Variants in MED12L observed in about 807,000 individuals in gnomAD.
The protein encoded by MED12L is mediator of RNA polymerase II transcription subunit 12-like protein.
Under a neutral mutation model 281.3 loss-of-function variants are expected in MED12L, and 60 were observed. The observed-to-expected ratio is 0.21, with a 90% CI of 0.17 to 0.26. The LOEUF (loss-of-function observed/expected upper bound fraction) is 0.26. Among genes scored for constraint, MED12L ranks in the 10% least tolerant of loss-of-function variants. The pLI is 1.00. For missense variants in MED12L, 2,146 were observed against 2,680.9 expected (o/e 0.80, Z 4.41); for synonymous variants, 974 against 987.2 (o/e 0.99, Z 0.25).
chr3:151,192,456 A>T (rs1200520822), intron 14 of MED12L, 94 bp from the exon 15 acceptor site: 1 of 888,228 alleles, frequency 1.1e-6, no homozygotes. Context: ...CAAAAGACAG[A>T]GATGGTTAAA....
chr3:151,152,292 A>T (rs1316476308), intron 5 of MED12L, among the ~76,000 whole-genome samples: 5 of 151,376 alleles, frequency 3.3e-5, no homozygotes, highest in African/African-American at 7.3e-5. Context: ...TGTAACAATG[A>T]TGTCTCACAG....
intron 5 of MED12L, among the ~76,000 whole-genome samples, chr3:151,131,914 GA>G (rs1337031781): frequency 1.3e-5 from 2 of 152,144 alleles, no homozygotes; most frequent in Admixed American, 1.3e-4. Flanking sequence ...ATAATGGATG[GA>G]TTATTAGGTT....
chr3:151,215,118 T>C (rs1291177924), intron 16 of MED12L, among the ~76,000 whole-genome samples: 7 of 152,128 alleles, frequency 4.6e-5, no homozygotes, highest in African/African-American at 1.7e-4. Flanking sequence ...TTGAGCTTTT[T>C]TTTTTTCCCA....
chr3:151,339,966 T>C (rs551001872), intron 16 of MED12L, among the ~76,000 whole-genome samples: 2 of 152,244 alleles, frequency 1.3e-5, no homozygotes, highest in Admixed American at 6.6e-5. Flanking sequence ...AAAATAACTT[T>C]CGTGTAAAAG....
In MED12L at chr3:151,185,391, G is replaced by T. The variant is rs1723137490; in HGVS notation, c.1556G>T (p.Arg519Leu). 1 of 1,613,948 alleles carries T rather than the reference G, an allele frequency of 6.2e-7. No individual in the cohort carries two copies. Among genetic ancestry groups the T allele is most frequent in the Non-Finnish European group, 8.5e-7 (1 of 1,179,986 alleles). ...TGTGAATGGGCCGTGAGCTGCAAACGGTCTGGCAAGCACAGGGCCATGGCT... is the reference window on the plus strand; with the variant it reads ...TGTGAATGGGCCGTGAGCTGCAAACTGTCTGGCAAGCACAGGGCCATGGCT... ...LLCEWAVSCK[R>L]SGKHRAMAVA... is the part of the protein sequence containing the mutation. Residue 519 changes from arginine to leucine, a missense_variant, in exon 12 of 45, where the codon CGG becomes CTG. By Grantham distance (102) the Arg-to-Leu change is moderately radical. Transcript: ENST00000687756.
chr3:151,138,624 G>A (rs1439635678), intron 5 of MED12L, among the ~76,000 whole-genome samples: 1 of 152,140 alleles, frequency 6.6e-6, no homozygotes, highest in Non-Finnish European at 1.5e-5. Flanking sequence ...GTTTTGAGGA[G>A]TACTAGTCAG....
intron 2 of MED12L, among the ~76,000 whole-genome samples, chr3:151,092,307 C>T (rs537467533): frequency 1.3e-5 from 2 of 152,304 alleles, no homozygotes; most frequent in African/African-American, 4.8e-5. Flanking sequence ...TGTTTTGTAG[C>T]GCTTGTCACT....
At chr3:151,292,724 C>T (rs1744429839) in intron 16 of MED12L, among the ~76,000 whole-genome samples, 1 of 151,890 alleles carries the variant, frequency 6.6e-6, no homozygotes, top group Admixed American at 6.6e-5. Context: ...AGGCATGCGC[C>T]ACCACGCCCG....
intron 17 of MED12L, among the ~76,000 whole-genome samples, chr3:151,353,798 C>T (rs1753545994): frequency 2.0e-5 from 3 of 152,260 alleles, no homozygotes; most frequent in East Asian, 1.9e-4. Context: ...CTAAAGAAGA[C>T]GACAGTGTGA....
intron 16 of MED12L, chr3:151,316,530 C>T (rs1245302693): frequency 1.3e-5 from 2 of 152,186 alleles, no homozygotes; most frequent in African/African-American, 2.4e-5. Context: ...AGTTTTTAAT[C>T]ATTGCTGTGT....
intron 16 of MED12L, among the ~76,000 whole-genome samples, chr3:151,332,167 T>C (rs1750424780): frequency 6.6e-6 from 1 of 152,208 alleles, no homozygotes; most frequent in Admixed American, 6.5e-5. Context: ...TCTAGCCAGA[T>C]AGGAATAAAC....
chr3:151,378,511 TTAGA>T (rs1311439733), intron 31 of MED12L, among the ~76,000 whole-genome samples: 2 of 151,864 alleles, frequency 1.3e-5, no homozygotes, highest in African/African-American at 4.8e-5. Context: ...TTTTTATTAT[TTAGA>T]TATTTATGTT....
At chr3:151,428,741 C>T (rs770689888) in intron 43 of MED12L, among the ~76,000 whole-genome samples, 9 of 152,178 alleles carry the variant, frequency 5.9e-5, no homozygotes, top group East Asian at 1.9e-4. Flanking sequence ...ATAAAATACA[C>T]GGCTCCCAGT....
At chr3:151,258,983 G>A (rs957813317) in intron 16 of MED12L, among the ~76,000 whole-genome samples, 1 of 152,132 alleles carries the variant, frequency 6.6e-6, no homozygotes, top group African/African-American at 2.4e-5. Context: ...GTGAAATGGT[G>A]CTGATAAGTG....
rs554932004 is a variant in MED12L at position 151,224,186 on chromosome 3, C to T, written c.2250+30520C>T. The stretch of plus-strand genomic sequence containing the variant: ...TGCTTTTATCAGTACCCACTTATGA[C>T]GTGCATTTTTCTTCCTCTTCTTTTT... On this transcript the variant is annotated intron_variant, in intron 16 of 44. Transcript: ENST00000687756. Among the ~76,000 whole-genome samples, 25 of 152,232 alleles carry T rather than the reference C, an allele frequency of 1.6e-4. No individual in the cohort carries two copies. The South Asian group carries it at 4.2e-3, about 25-fold the overall frequency.
At chr3:151,165,356 A>G in intron 9 of MED12L, 64 bp from the exon 10 acceptor site, 1 of 1,328,988 alleles carries the variant, frequency 7.5e-7, no homozygotes, top group South Asian at 1.2e-5. Context: ...GAAAAACCTG[A>G]CATGATTTAG....
intron 16 of MED12L, chr3:151,338,249 C>T (rs535856604): frequency 6.2e-7 from 1 of 1,613,902 alleles, no homozygotes; most frequent in South Asian, 1.1e-5. Context: ...AGAAATTAAT[C>T]CAGAAAATGA....
At chr3:151,391,710 C>G (rs1714254740) in intron 38 of MED12L, among the ~76,000 whole-genome samples, 1 of 152,260 alleles carries the variant, frequency 6.6e-6, no homozygotes. Context: ...CAAGCTTGCT[C>G]TACAGCATCA....
At chr3:151,320,287 T>C (rs769621129) in intron 16 of MED12L, among the ~76,000 whole-genome samples, 1 of 152,228 alleles carries the variant, frequency 6.6e-6, no homozygotes, top group Non-Finnish European at 1.5e-5. Context: ...GTACACTAAC[T>C]TGTTATTACA....
Sources: allele counts gnomAD v4.1 joint callset (sites outside exome capture counted in the v4.1 genomes callset), GRCh38; gene constraint gnomAD v4.1.1; transcripts MANE v1.5; gene names NCBI Gene and HGNC (gene_info 2026-07-23, HGNC 2026-07-21).